WDR64: variants seen among roughly 807,000 people sequenced by gnomAD.
WDR64 encodes the protein WD repeat domain 64.
In WDR64, 112 loss-of-function variants were observed where a neutral mutation model predicts 139.3. The ratio of observed to expected loss-of-function variants is 0.80; its 90% CI spans 0.69 to 0.94. The LOEUF (loss-of-function observed/expected upper bound fraction) is 0.94, where lower values mean the gene tolerates loss of function less well. WDR64 is among the 40% of genes least tolerant of loss of function. WDR64 has a pLI of 0.00. For synonymous variants in WDR64, 444 were observed against 437.7 expected (o/e 1.01, Z -0.18); for missense variants, 1,206 against 1,293.1 (o/e 0.93, Z 1.03).
At chr1:241,679,409 AC>A in intron 5 of WDR64, 75 bp from the exon 6 acceptor site, 1 of 1,302,426 alleles carries the variant, frequency 7.7e-7, no homozygotes, top group Non-Finnish European at 1.1e-6. Flanking sequence ...AGTGTGACTA[AC>A]CTGCTCTTTG....
chr1:241,731,791 A>G (rs1261154801), intron 10 of WDR64, among the ~76,000 whole-genome samples: 1 of 152,234 alleles, frequency 6.6e-6, no homozygotes, highest in Non-Finnish European at 1.5e-5. Context: ...ATGTGAAAAC[A>G]AGATGATAAA....
chr1:241,701,354 T>C (rs1184807113), intron 8 of WDR64, among the ~76,000 whole-genome samples: 1 of 152,250 alleles, frequency 6.6e-6, no homozygotes, highest in Non-Finnish European at 1.5e-5. Context: ...TATATGTTTT[T>C]TTCAAAATGC....
chr1:241,673,851 T>C (rs1431709298), intron 3 of WDR64, among the ~76,000 whole-genome samples: 3 of 152,208 alleles, frequency 2.0e-5, no homozygotes, highest in African/African-American at 7.2e-5. Flanking sequence ...CACATTTTTT[T>C]AAGTCTTAAT....
intron 9 of WDR64, 121 bp from the exon 10 acceptor site, chr1:241,723,176 T>C: frequency 7.7e-7 from 1 of 1,298,476 alleles, no homozygotes; most frequent in South Asian, 1.5e-5. Flanking sequence ...TAATGCATCC[T>C]GCCAGAAACG....
At chr1:241,758,178 C>T (rs559108071) in intron 15 of WDR64, among the ~76,000 whole-genome samples, 5 of 152,216 alleles carry the variant, frequency 3.3e-5, no homozygotes, top group South Asian at 2.1e-4. Context: ...TAAGAAGTTC[C>T]GCTGTACTTC....
chr1:241,669,301 T>C (rs1666136120), intron 2 of WDR64, among the ~76,000 whole-genome samples: 1 of 152,178 alleles, frequency 6.6e-6, no homozygotes, highest in South Asian at 2.1e-4. Context: ...TGAAGCGGTA[T>C]TGTGGGTTCG....
In WDR64 at chr1:241,683,761, C is replaced by T. The variant is rs564322483; in HGVS notation, c.839+60C>T. 80 of 1,277,660 alleles carry T rather than the reference C, an allele frequency of 6.3e-5. 1 individual carries two copies. The Admixed American group carries it at 1.7e-3, about 27-fold the overall frequency. 79.1% of individuals were successfully genotyped at this position (1,277,660 alleles called of 1,614,324 possible). On this transcript the variant is annotated intron_variant, in intron 7 of 27. Coordinates refer to ENST00000437684, the MANE Select transcript of WDR64 (RefSeq NM_001367482.1). ...ATAATTATAGTCTTTTGCAAGTAAG[C>T]TTTATGGTACAAAGTGAAAAATGAG...
At chr1:241,721,405 T>C (rs903158532) in intron 9 of WDR64, among the ~76,000 whole-genome samples, 27 of 152,298 alleles carry the variant, frequency 1.8e-4, no homozygotes, top group Middle Eastern at 3.4e-3. Flanking sequence ...AGGTTATACA[T>C]AAATTATAAC....
chr1:241,775,292 G>A (rs1658618827), intron 21 of WDR64, 82 bp downstream of exon 21: 1 of 1,067,940 alleles, frequency 9.4e-7, no homozygotes, highest in African/African-American at 1.6e-5. Context: ...AAAAATACAT[G>A]GTATATGGTG....
intron 15 of WDR64, among the ~76,000 whole-genome samples, chr1:241,762,788 T>A (rs942383687): frequency 1.2e-4 from 18 of 145,018 alleles, no homozygotes; most frequent in Admixed American, 1.0e-3. Flanking sequence ...AAAAAAAAAA[T>A]AGAATAATAA....
intron 2 of WDR64, among the ~76,000 whole-genome samples, chr1:241,665,451 G>A (rs530143571): frequency 1.3e-5 from 2 of 152,120 alleles, no homozygotes; most frequent in Non-Finnish European, 1.5e-5. Context: ...ATAAAAACAC[G>A]ATTTATTCTT....
chr1:241,794,224 C>T (rs925172768), intron 25 of WDR64, among the ~76,000 whole-genome samples: 3 of 151,880 alleles, frequency 2.0e-5, no homozygotes, highest in Non-Finnish European at 2.9e-5. Flanking sequence ...ATATTTACCT[C>T]TACTTCCCAT....
chr1:241,652,675 G>C, intron 1 of WDR64, 46 bp downstream of exon 1: 1 of 1,539,558 alleles, frequency 6.5e-7, no homozygotes, highest in Middle Eastern at 1.7e-4. Flanking sequence ...CTGTTGGTTA[G>C]AACTGGAAAA....
intron 6 of WDR64, among the ~76,000 whole-genome samples, chr1:241,680,353 C>A (rs1666731275): frequency 6.6e-6 from 1 of 152,134 alleles, no homozygotes; most frequent in Non-Finnish European, 1.5e-5. Flanking sequence ...AATGTTGTAA[C>A]CAACTAGTGA....
intron 10 of WDR64, among the ~76,000 whole-genome samples, chr1:241,726,582 G>C (rs539253958): frequency 6.6e-6 from 1 of 152,014 alleles, no homozygotes; most frequent in Admixed American, 6.5e-5. Flanking sequence ...GGAAAAAAAG[G>C]CTTTGATTAA....
intron 14 of WDR64, among the ~76,000 whole-genome samples, chr1:241,754,320 C>CTTTTTTTTTTTTTTTTTTTTTTTT (rs71174845): frequency 1.2e-5 from 1 of 81,846 alleles, no homozygotes; most frequent in Admixed American, 1.6e-4. Context: ...TTTTCTTTTT[C>CTTTTTTTTTTTTTTTTTTTTTTTT]TTTTTTTTTT....
At chr1:241,696,863 G>A (rs1667511746) in intron 8 of WDR64, among the ~76,000 whole-genome samples, 1 of 152,128 alleles carries the variant, frequency 6.6e-6, no homozygotes, top group Non-Finnish European at 1.5e-5. Flanking sequence ...GACTAAGAAT[G>A]CCTAAGCTTC....
intron 18 of WDR64, 60 bp downstream of exon 18, chr1:241,770,750 G>C (rs1658399024): frequency 6.8e-7 from 1 of 1,478,602 alleles, no homozygotes. Context: ...TTCAAAAATA[G>C]TGCTATTGAG....
At chr1:241,670,657 C>T (rs890358514) in intron 2 of WDR64, among the ~76,000 whole-genome samples, 3 of 152,184 alleles carry the variant, frequency 2.0e-5, no homozygotes, top group African/African-American at 7.2e-5. Context: ...AGGAGGTGAT[C>T]AGTGGGGGAG....
Sources: allele counts gnomAD v4.1 joint callset (sites outside exome capture counted in the v4.1 genomes callset), GRCh38; gene constraint gnomAD v4.1.1; transcripts MANE v1.5; gene names NCBI Gene and HGNC (gene_info 2026-07-23, HGNC 2026-07-21).